GSAP: variants seen among roughly 807,000 people sequenced by gnomAD.
GSAP encodes gamma-secretase-activating protein.
Under a neutral mutation model 131.7 loss-of-function variants are expected in GSAP, and 118 were observed. The ratio of observed to expected loss-of-function variants is 0.90; its 90% CI spans 0.77 to 1.04. The LOEUF is 1.04. Among genes scored for constraint, GSAP ranks in the 50% least tolerant of loss-of-function variants. The pLI is 0.00. For missense variants in GSAP, 1,019 were observed against 1,013.2 expected (o/e 1.01, Z -0.08); for synonymous variants, 381 against 363.4 (o/e 1.05, Z -0.55).
intron 28 of GSAP, among the ~76,000 whole-genome samples, chr7:77,312,453 T>C (rs1794494392): frequency 6.6e-6 from 1 of 152,170 alleles, no homozygotes; most frequent in South Asian, 2.1e-4. Flanking sequence ...TTTACTGAAA[T>C]GGAGTTTATC....
At chr7:77,342,535 T>C (rs187007962) in intron 19 of GSAP, among the ~76,000 whole-genome samples, 20,922 of 151,866 alleles carry the variant, frequency 0.14, 1,561 homozygotes, top group Non-Finnish European at 0.15. Flanking sequence ...CCCTTTTCCC[T>C]AGTTCAAAGC....
At chr7:77,326,813 C>T (rs11976873) in intron 22 of GSAP, 29,472 of 152,300 alleles carry the variant, frequency 0.19, 3,063 homozygotes, top group Non-Finnish European at 0.2. Context: ...CAAATGGTAC[C>T]TTCTCCACCA....
chr7:77,329,608 C>T (rs1788788349), intron 20 of GSAP: 1 of 322,940 alleles, frequency 3.1e-6, no homozygotes, highest in South Asian at 7.6e-5. Context: ...ATATACTACA[C>T]ACAACAACAC....
chr7:77,397,671 A>G (rs182857945), intron 3 of GSAP, among the ~76,000 whole-genome samples: 1 of 152,326 alleles, frequency 6.6e-6, no homozygotes, highest in Admixed American at 6.5e-5. Context: ...TAGACATTGG[A>G]GCCCAGCTAG....
rs146736991 is a variant in GSAP at position 77,335,117 on chromosome 7, A to G, written c.1546-4750T>C. ...AAAAAAGAAAAAAAGAAACATACCC[A>G]TGCCAGATGCAGTGGCTCACACCTG... On this transcript the variant is annotated intron_variant, in intron 19 of 30. Coordinates refer to ENST00000257626, the MANE Select transcript of GSAP (RefSeq NM_017439.4). Among the ~76,000 whole-genome samples, 70 of 150,340 alleles carry G rather than the reference A, an allele frequency of 4.7e-4. No individual in the cohort carries two copies. In the East Asian group the frequency reaches 0.014, roughly 30 times the overall value.
chr7:77,342,444 T>C (rs892021506), intron 19 of GSAP, among the ~76,000 whole-genome samples: 78 of 152,236 alleles, frequency 5.1e-4, no homozygotes, highest in African/African-American at 1.3e-3. Flanking sequence ...ACCTGCCCAG[T>C]TCCCTTATTA....
Position 77,362,582 on chromosome 7 carries a change from C to T in GSAP, c.949+1G>A. 6.7e-7 allele frequency: 1 copy of T among 1,496,148 alleles called. No individual in the cohort carries two copies. Among genetic ancestry groups the T allele is most frequent in the Non-Finnish European group, 9.3e-7 (1 of 1,074,742 alleles). The allele number at this position is 1,496,148 out of a possible 1,614,324, so 92.7% of individuals were successfully genotyped here. ...AGTAACAAAGAAGACATGAAAAGTA[C>T]CTTTATGAATGTAAAACACTGAATA... On this transcript the variant is annotated splice_donor_variant, in intron 13 of 30. Coordinates refer to ENST00000257626, the MANE Select transcript of GSAP (RefSeq NM_017439.4). LOFTEE classifies it high-confidence loss of function.
Position 77,312,172 on chromosome 7 carries a change from C to G in GSAP, c.2302G>C (p.Asp768His). Residue 768 changes from aspartate to histidine, a missense_variant, in exon 29 of 31, where the codon GAT becomes CAT. By Grantham distance (81) the Asp-to-His change is moderately conservative. Coordinates refer to ENST00000257626, the MANE Select transcript of GSAP (RefSeq NM_017439.4). Reference protein sequence around the residue: ...LIGQKICRLWDHPMSSNIISR... With the variant: ...LIGQKICRLWHHPMSSNIISR... ...ATGATGTTAGAACTCATAGGATGAT[C>G]CCAAAGTCTACAAATCTTCTGCCCA... The G allele has an allele frequency of 3.7e-6, 6 of 1,602,204 alleles. No homozygotes were observed. Among genetic ancestry groups the G allele is most frequent in the Non-Finnish European group, 4.3e-6 (5 of 1,175,478 alleles).
rs147744813 is a variant in GSAP, at chr7:77,377,832, A to C, written c.577-442T>G. 3.3e-5 allele frequency among the ~76,000 whole-genome samples: 5 copies of C among 152,344 alleles called. No homozygotes were observed. The East Asian group carries it at 7.7e-4, about 23-fold the overall frequency. ...GGCCTGACAGTGGAAAGTAGTAGGC[A>C]ATGACCCCAATTTGGCCATAAACCA... is the stretch of plus-strand genomic sequence containing the variant. On this transcript the variant is annotated intron_variant, in intron 8 of 30. Transcript: ENST00000257626.
chr7:77,312,851 G>T (rs1036390511), intron 28 of GSAP, among the ~76,000 whole-genome samples: 2 of 152,194 alleles, frequency 1.3e-5, no homozygotes, highest in Non-Finnish European at 2.9e-5. Context: ...AGGCTCTCCA[G>T]GTCAGGAAGT....
At chr7:77,326,140 C>A in intron 23 of GSAP, 72 bp downstream of exon 23, 1 of 921,972 alleles carries the variant, frequency 1.1e-6, no homozygotes, top group Admixed American at 2.4e-5. Context: ...AATGAGAAGC[C>A]CACTGTAATC....
Position 77,360,804 on chromosome 7 carries a change from G to A in GSAP, c.1027+20C>T. ...GGAACAAGTGTTCAGAGCAGGGGGT[G>A]TGATCTCTCCATCACTCACCAAGGT... On this transcript the variant is annotated intron_variant, in intron 14 of 30. Transcript: ENST00000257626. The A allele has an allele frequency of 7.6e-7, 1 of 1,316,186 alleles. No individual in the cohort carries two copies. The highest frequency in any genetic ancestry group is 1.1e-6 in the Non-Finnish European group (1 of 909,820). 81.5% of individuals were successfully genotyped at this position (1,316,186 alleles called of 1,614,324 possible).
intron 18 of GSAP, chr7:77,351,021 G>T: frequency 1.7e-6 from 1 of 576,700 alleles, no homozygotes; most frequent in Non-Finnish European, 2.2e-6. Context: ...TTTAGGAGAT[G>T]TAATGTAGAA....
rs1313898578 is a variant in GSAP, at chr7:77,319,669, G to T, written c.2089+1056C>A. On this transcript the variant is annotated intron_variant, in intron 26 of 30. Transcript: ENST00000257626. ...ACCTAAATGTCTACTGACAGATGAA[G>T]AAAGTGTAGAATTTACAATGGAGTA... 2.0e-5 allele frequency among the ~76,000 whole-genome samples: 3 copies of T among 152,248 alleles called. No homozygotes were observed. In the East Asian group the frequency reaches 5.8e-4, roughly 29 times the overall value.
At chr7:77,406,421 A>G (rs1408107711) in intron 1 of GSAP, among the ~76,000 whole-genome samples, 1 of 152,232 alleles carries the variant, frequency 6.6e-6, no homozygotes, top group African/African-American at 2.4e-5. Flanking sequence ...TGAATGTTAT[A>G]CAATAAATTT....
At chr7:77,412,859 A>T (rs930303683) in intron 1 of GSAP, among the ~76,000 whole-genome samples, 1 of 152,162 alleles carries the variant, frequency 6.6e-6, no homozygotes, top group African/African-American at 2.4e-5. Flanking sequence ...CCACACCACA[A>T]ATCAGAGTGT....
intron 19 of GSAP, among the ~76,000 whole-genome samples, chr7:77,344,175 C>G (rs1318201031): frequency 6.6e-6 from 1 of 152,172 alleles, no homozygotes; most frequent in Non-Finnish European, 1.5e-5. Context: ...CTTCCCACCT[C>G]TATACAGTCC....
At chr7:77,346,678 C>A (rs1476695807) in intron 19 of GSAP, among the ~76,000 whole-genome samples, 2 of 151,682 alleles carry the variant, frequency 1.3e-5, no homozygotes, top group African/African-American at 4.9e-5. Context: ...TCATTGCACT[C>A]CAGCCTGGGC....
intron 5 of GSAP, among the ~76,000 whole-genome samples, chr7:77,395,544 A>AGTAC (rs1186592814): frequency 6.6e-6 from 1 of 152,316 alleles, no homozygotes; most frequent in East Asian, 1.9e-4. Flanking sequence ...AAAGGAGGAC[A>AGTAC]TGGCACCAAA....
Sources: allele counts gnomAD v4.1 joint callset (sites outside exome capture counted in the v4.1 genomes callset), GRCh38; gene constraint gnomAD v4.1.1; transcripts MANE v1.5; gene names NCBI Gene and HGNC (gene_info 2026-07-23, HGNC 2026-07-21).